The following UBAC2 variants were observed in gnomAD, a reference collection of about 807,000 sequenced individuals.
The protein encoded by UBAC2 is ubiquitin-associated domain-containing protein 2.
UBAC2 carries 26 observed loss-of-function variants against 44.0 expected under a neutral mutation model. The observed-to-expected ratio is 0.59, with a 90% confidence interval of 0.43 to 0.82. The LOEUF (loss-of-function observed/expected upper bound fraction) is 0.82. Among genes scored for constraint, UBAC2 ranks in the 40% least tolerant of loss-of-function variants. UBAC2 has a pLI of 0.00. For missense variants in UBAC2, 329 were observed against 419.4 expected (o/e 0.78, Z 1.88); for synonymous variants, 155 against 154.3 (o/e 1.00, Z -0.04).
At chr13:99,376,412 G>A (rs369486895) in intron 8 of UBAC2, among the ~76,000 whole-genome samples, 4 of 152,254 alleles carry the variant, frequency 2.6e-5, no homozygotes, top group African/African-American at 4.8e-5. Context: ...CTCCAAGAGG[G>A]TCTTCATCCC....
intron 1 of UBAC2, among the ~76,000 whole-genome samples, chr13:99,204,431 C>T (rs754387916): frequency 6.6e-6 from 1 of 152,088 alleles, no homozygotes; most frequent in African/African-American, 2.4e-5. Flanking sequence ...GTGGTTATGG[C>T]TGGAGTGAGC....
intron 4 of UBAC2, among the ~76,000 whole-genome samples, chr13:99,246,478 C>T: frequency 6.6e-6 from 1 of 150,526 alleles, no homozygotes; most frequent in Non-Finnish European, 1.5e-5. Context: ...CTTTTTGGTT[C>T]CTGTATAGCC....
intron 8 of UBAC2, among the ~76,000 whole-genome samples, chr13:99,380,050 G>A (rs531072534): frequency 2.0e-5 from 3 of 152,152 alleles, no homozygotes; most frequent in South Asian, 4.1e-4. Flanking sequence ...CTGAAGGAGG[G>A]TGAGAGGGTC....
In UBAC2 at chr13:99,224,702, T is replaced by C. The variant is rs542191617; in HGVS notation, c.32-13725T>C. Among the ~76,000 whole-genome samples the C allele has an allele frequency of 1.1e-4, 16 of 152,370 alleles. No individual in the cohort carries two copies. In the South Asian group the frequency reaches 1.9e-3, roughly 18 times the overall value. ...TTTACTATGTTGGCTTTAGCAAATA[T>C]CAATCCCTTTATTTATTTGATCAGT... On this transcript the variant is annotated intron_variant, in intron 1 of 8. Transcript: ENST00000403766.
chr13:99,330,105 C>A (rs953985823), intron 6 of UBAC2, among the ~76,000 whole-genome samples: 2 of 152,084 alleles, frequency 1.3e-5, no homozygotes, highest in African/African-American at 4.8e-5. Context: ...TATGTTGATG[C>A]TATTATAAGT....
chr13:99,292,926 G>T (rs2044111874), intron 4 of UBAC2, among the ~76,000 whole-genome samples: 1 of 152,138 alleles, frequency 6.6e-6, no homozygotes, highest in Non-Finnish European at 1.5e-5. Flanking sequence ...GCCCTGTCCT[G>T]TTCTCCAAGT....
intron 4 of UBAC2, among the ~76,000 whole-genome samples, chr13:99,248,837 T>C (rs573404832): frequency 1.3e-5 from 2 of 152,268 alleles, no homozygotes; most frequent in East Asian, 3.9e-4. Context: ...AGAGTCTCAT[T>C]TCCTGATGAT....
intron 5 of UBAC2, chr13:99,314,769 G>C (rs1049648042): frequency 1.3e-5 from 2 of 152,288 alleles, no homozygotes; most frequent in Non-Finnish European, 2.9e-5. Flanking sequence ...GAGTACTACT[G>C]TCCAGGTTAC....
rs2045617443 is a variant in UBAC2 at position 99,386,131 on chromosome 13, G to A, written c.*796G>A. On this transcript the variant is annotated 3_prime_UTR_variant, in exon 9 of 9. Coordinates refer to ENST00000403766, the MANE Select transcript of UBAC2 (RefSeq NM_001144072.2). ...AACGATCCCTTGCCTGCCCCTCCCT[G>A]TGGCAGGGCTAACTGCCTGGCCCTC... 1 of 152,278 alleles carries A rather than the reference G, an allele frequency of 6.6e-6. No homozygotes were observed. The highest frequency in any genetic ancestry group is 2.1e-4 in the South Asian group (1 of 4,840). The allele number at this position is 152,278 out of a possible 1,614,324, so 9.4% of individuals were successfully genotyped here. A position where few individuals can be genotyped will look rare whatever the true frequency, so the allele number is the denominator to read the frequency against.
chr13:99,237,148 GC>G (rs1438002833), intron 1 of UBAC2, among the ~76,000 whole-genome samples: 1 of 152,004 alleles, frequency 6.6e-6, no homozygotes, highest in Non-Finnish European at 1.5e-5. Context: ...GAGCCATCAG[GC>G]CCGGCCTTCT....
chr13:99,353,880 C>T lies in UBAC2; in HGVS notation c.807+13315C>T, dbSNP rs925702768. Among the ~76,000 whole-genome samples the T allele has an allele frequency of 3.3e-5, 5 of 152,156 alleles. No individual in the cohort carries two copies. The East Asian group carries it at 5.8e-4, about 18-fold the overall frequency. On this transcript the variant is annotated intron_variant, in intron 7 of 8. Transcript: ENST00000403766. ...ACCCCCAAGGTTTCAGAGCCAGCAG[C>T]CCAGTGCTGTGGTTGACAGACGTGG... is the stretch of plus-strand genomic sequence containing the variant.
chr13:99,363,767 A>C (rs1483573044), intron 7 of UBAC2, among the ~76,000 whole-genome samples: 1 of 152,258 alleles, frequency 6.6e-6, no homozygotes, highest in South Asian at 2.1e-4. Context: ...CAAAGGGGGA[A>C]AATGGATATT....
intron 7 of UBAC2, among the ~76,000 whole-genome samples, chr13:99,359,544 G>T (rs1001002669): frequency 2.0e-5 from 3 of 152,046 alleles, no homozygotes; most frequent in Non-Finnish European, 4.4e-5. Context: ...TTATGGCCTG[G>T]GGTAAAGCTT....
intron 1 of UBAC2, among the ~76,000 whole-genome samples, chr13:99,211,546 C>T (rs1344100788): frequency 6.6e-6 from 1 of 152,206 alleles, no homozygotes; most frequent in African/African-American, 2.4e-5. Flanking sequence ...AGGCACTGTT[C>T]TAAGCAGTTT....
intron 1 of UBAC2, chr13:99,215,554 G>A: frequency 6.9e-7 from 1 of 1,455,418 alleles, no homozygotes; most frequent in Non-Finnish European, 9.6e-7. Context: ...TTTCCTGCCA[G>A]TTCAAGTCCC....
chr13:99,318,885 C>CT (rs1377459056), intron 6 of UBAC2, among the ~76,000 whole-genome samples: 1 of 147,222 alleles, frequency 6.8e-6, no homozygotes. Flanking sequence ...CCAGTTTGTG[C>CT]TTTCAAGGTA....
chr13:99,202,914 C>T (rs938275184), intron 1 of UBAC2, among the ~76,000 whole-genome samples: 2 of 152,168 alleles, frequency 1.3e-5, no homozygotes, highest in South Asian at 2.1e-4. Context: ...GCTGACGGAG[C>T]TTAGGCACAG....
At chr13:99,376,168 A>G (rs1267509895) in intron 8 of UBAC2, among the ~76,000 whole-genome samples, 1 of 152,180 alleles carries the variant, frequency 6.6e-6, no homozygotes, top group African/African-American at 2.4e-5. Flanking sequence ...TCTGAAAAGC[A>G]CATTATTAGG....
intron 4 of UBAC2, among the ~76,000 whole-genome samples, chr13:99,298,277 G>C (rs1164849349): frequency 6.6e-6 from 1 of 152,128 alleles, no homozygotes; most frequent in African/African-American, 2.4e-5. Context: ...AAGACTCAAA[G>C]CTTTCAGAAA....
Sources: gnomAD v4.1 joint callset for allele counts (sites outside exome capture counted in the v4.1 genomes callset) on GRCh38, gnomAD v4.1.1 for gene constraint, MANE v1.5 for transcripts, NCBI Gene and HGNC (gene_info 2026-07-23, HGNC 2026-07-21) for gene names.